SLC25A37: variants seen among roughly 807,000 people sequenced by gnomAD.
SLC25A37 encodes the protein mitoferrin-1.
Under a neutral mutation model 31.0 loss-of-function variants are expected in SLC25A37, and 17 were observed. The observed-to-expected ratio is 0.55, with a 90% confidence interval of 0.38 to 0.82. SLC25A37 has a LOEUF of 0.82. Ranked by LOEUF, SLC25A37 falls within the 40% of genes least tolerant of loss-of-function variation. SLC25A37 has a pLI of 0.00. For missense variants in SLC25A37, 404 were observed against 465.8 expected (o/e 0.87, Z 1.22); for synonymous variants, 222 against 193.0 (o/e 1.15, Z -1.24).
At chr8:23,532,200 G>A (rs1428863835) in intron 1 of SLC25A37, among the ~76,000 whole-genome samples, 5 of 152,134 alleles carry the variant, frequency 3.3e-5, no homozygotes, top group Admixed American at 3.3e-4. Context: ...TCTTTCCCTT[G>A]GTCCTCCCAT....
intron 1 of SLC25A37, among the ~76,000 whole-genome samples, chr8:23,548,266 C>T (rs1370784122): frequency 1.3e-5 from 2 of 152,140 alleles, no homozygotes; most frequent in African/African-American, 4.8e-5. Flanking sequence ...GCAACCTCTG[C>T]CTCCCGGGTT....
chr8:23,533,013 C>A (rs1359258874), intron 1 of SLC25A37, among the ~76,000 whole-genome samples: 1 of 152,188 alleles, frequency 6.6e-6, no homozygotes, highest in Admixed American at 6.5e-5. Context: ...TTTCTCTCTC[C>A]CTTCTTGTCT....
intron 1 of SLC25A37, among the ~76,000 whole-genome samples, chr8:23,561,146 C>T (rs952289245): frequency 6.6e-6 from 1 of 152,200 alleles, no homozygotes; most frequent in Admixed American, 6.5e-5. Context: ...GCATGACTCA[C>T]TTCCCAAGCT....
intron 1 of SLC25A37, among the ~76,000 whole-genome samples, chr8:23,549,073 A>C (rs1448185008): frequency 6.6e-6 from 1 of 152,074 alleles, no homozygotes; most frequent in Non-Finnish European, 1.5e-5. Context: ...AGAGTTTGGA[A>C]TTTTTTATCG....
At chr8:23,559,780 T>C (rs911171912) in intron 1 of SLC25A37, among the ~76,000 whole-genome samples, 7 of 152,256 alleles carry the variant, frequency 4.6e-5, no homozygotes, top group Non-Finnish European at 1.0e-4. Context: ...CTCCTTTCAC[T>C]TAGCATGCTG....
At chr8:23,561,730 G>C (rs1802520988) in intron 1 of SLC25A37, among the ~76,000 whole-genome samples, 1 of 152,228 alleles carries the variant, frequency 6.6e-6, no homozygotes, top group African/African-American at 2.4e-5. Context: ...TGGTCACTTA[G>C]TGGTTCCCCA....
intron 1 of SLC25A37, among the ~76,000 whole-genome samples, chr8:23,548,865 C>G (rs1802145732): frequency 6.6e-6 from 1 of 152,174 alleles, no homozygotes. Context: ...CCAGCATGGG[C>G]TGTATGTCCT....
rs758146590 is a variant in SLC25A37 at position 23,529,060 on chromosome 8, G to A, written c.58G>A (p.Asp20Asn). The change falls in exon 1 of 4, where the codon GAC (aspartate) becomes AAC (asparagine). Residue 20 changes from aspartate to asparagine, a missense_variant. Transcript: ENST00000519973. This position sits in a 1 kb window ranked among gnomAD's most constrained non-coding sequence, Gnocchi z 4.1. ...SQAVARRMDG[D>N]SRDGGGGKDA... ...GGCGGTGGCGCGGAGGATGGATGGG[G>A]ACAGCCGAGATGGCGGCGGCGGCAA... 3 of 1,585,366 alleles carry A rather than the reference G, an allele frequency of 1.9e-6. No individual in the cohort carries two copies. Among genetic ancestry groups the A allele is most frequent in the Non-Finnish European group, 8.6e-7 (1 of 1,167,234 alleles).
At chr8:23,537,918 A>G (rs920572763) in intron 1 of SLC25A37, among the ~76,000 whole-genome samples, 3 of 152,090 alleles carry the variant, frequency 2.0e-5, no homozygotes, top group Admixed American at 6.6e-5. Context: ...CTTGCATGTA[A>G]AGCCCGACCT....
At chr8:23,564,022 C>A (rs1349068502) in intron 1 of SLC25A37, among the ~76,000 whole-genome samples, 1 of 151,974 alleles carries the variant, frequency 6.6e-6, no homozygotes, top group Non-Finnish European at 1.5e-5. Context: ...ATTTAAAGTA[C>A]CATTTTATAA....
intron 3 of SLC25A37, 132 bp from the exon 4 acceptor site, chr8:23,571,203 C>G (rs1802819172): frequency 4.5e-6 from 5 of 1,110,086 alleles, no homozygotes; most frequent in Non-Finnish European, 3.8e-6. Context: ...TGTGCTGGCT[C>G]TCGCCTGTTT....
chr8:23,558,641 G>A (rs1802429443), intron 1 of SLC25A37, among the ~76,000 whole-genome samples: 1 of 152,224 alleles, frequency 6.6e-6, no homozygotes, highest in Non-Finnish European at 1.5e-5. Flanking sequence ...TTTGCTAGGA[G>A]TTTGTGGAGA....
At chr8:23,568,401 A>G (rs753536362) in intron 3 of SLC25A37, 23 bp downstream of exon 3, 1 of 1,613,538 alleles carries the variant, frequency 6.2e-7, no homozygotes, top group African/African-American at 1.3e-5. Flanking sequence ...GGTCCCAGGG[A>G]GGGGCAGTAG....
At chr8:23,559,267 A>G (rs1220133352) in intron 1 of SLC25A37, among the ~76,000 whole-genome samples, 2 of 152,230 alleles carry the variant, frequency 1.3e-5, no homozygotes, top group African/African-American at 2.4e-5. Context: ...GGAGGAGACT[A>G]GAAGCTAGGT....
chr8:23,574,647 T>G lies in SLC25A37; in HGVS notation c.*2792T>G, dbSNP rs559475855. Reference sequence around the variant, plus strand: ...AGCAGATACAAGTGTTTGTTAATTTTGTAGAAATTAACTTTCCCATCTGGC... The same window carrying G: ...AGCAGATACAAGTGTTTGTTAATTTGGTAGAAATTAACTTTCCCATCTGGC... On this transcript the variant is annotated 3_prime_UTR_variant, in exon 4 of 4. Coordinates refer to ENST00000519973, the MANE Select transcript of SLC25A37 (RefSeq NM_016612.4). 1.3e-5 allele frequency: 2 copies of G among 154,862 alleles called. No individual in the cohort carries two copies. The highest frequency in any genetic ancestry group is 6.5e-5 in the Admixed American group (1 of 15,294). 9.6% of individuals were successfully genotyped at this position (154,862 alleles called of 1,614,324 possible). A position where few individuals can be genotyped will look rare whatever the true frequency, so the allele number is the denominator to read the frequency against.
intron 2 of SLC25A37, 90 bp from the exon 3 acceptor site, chr8:23,568,232 T>G: frequency 7.0e-7 from 1 of 1,435,832 alleles, no homozygotes; most frequent in Non-Finnish European, 9.8e-7. Flanking sequence ...CTTAGAAAGC[T>G]AAGTCCTGGG....
intron 1 of SLC25A37, among the ~76,000 whole-genome samples, chr8:23,557,305 C>G (rs1012490489): frequency 3.3e-5 from 5 of 152,008 alleles, no homozygotes; most frequent in Non-Finnish European, 5.9e-5. Flanking sequence ...TGGTTTTGGA[C>G]GGGTAGTGCC....
chr8:23,533,171 A>G lies in SLC25A37; in HGVS notation c.210+3959A>G, dbSNP rs749037977. On this transcript the variant is annotated intron_variant, in intron 1 of 3. Transcript: ENST00000519973. ...TTGTTTCATGAACCCCCAGGCAGCC[A>G]TGGCCTGTACCCCTCAGGCCTACCC... Among the ~76,000 whole-genome samples, 26 of 152,168 alleles carry G rather than the reference A, an allele frequency of 1.7e-4. 1 individual carries two copies. Among genetic ancestry groups the G allele is most frequent in the Non-Finnish European group, 3.2e-4 (22 of 68,020 alleles).
At chr8:23,548,474 G>T (rs1280725682) in intron 1 of SLC25A37, among the ~76,000 whole-genome samples, 1 of 143,604 alleles carries the variant, frequency 7.0e-6, no homozygotes, top group Non-Finnish European at 1.5e-5. Flanking sequence ...CACCACGTCC[G>T]GGCTTTTTTT....
Sources: allele counts gnomAD v4.1 joint callset (sites outside exome capture counted in the v4.1 genomes callset), GRCh38; gene constraint gnomAD v4.1.1; non-coding constraint Gnocchi (gnomAD v3.1); transcripts MANE v1.5; gene names NCBI Gene and HGNC (gene_info 2026-07-23, HGNC 2026-07-21).